PDGFD: variants seen among roughly 807,000 people sequenced by gnomAD.
PDGFD encodes platelet-derived growth factor D.
A neutral mutation model predicts 44.7 loss-of-function variants in PDGFD; 30 were observed. The ratio of observed to expected loss-of-function variants is 0.67; its 90% CI spans 0.50 to 0.91. PDGFD has a LOEUF of 0.91. PDGFD is among the 40% of genes least tolerant of loss of function. PDGFD has a pLI of 0.00. For missense variants in PDGFD, 445 were observed against 457.8 expected, an observed-to-expected ratio of 0.97 and a Z score of 0.25; for synonymous variants, 173 against 168.4, an observed-to-expected ratio of 1.03 and a Z score of -0.21.
chr11:103,988,299 A>C (rs747526672), intron 3 of PDGFD, among the ~76,000 whole-genome samples: 14 of 151,938 alleles, frequency 9.2e-5, no homozygotes, highest in Non-Finnish European at 2.1e-4. Flanking sequence ...CAAGGATAAA[A>C]GTTTACTTGT....
intron 3 of PDGFD, among the ~76,000 whole-genome samples, chr11:103,990,941 C>T (rs1242506391): frequency 2.0e-5 from 3 of 151,932 alleles, no homozygotes; most frequent in Non-Finnish European, 4.4e-5. Context: ...AGGTCGAGAC[C>T]ATCCTGGCTA....
intron 1 of PDGFD, among the ~76,000 whole-genome samples, chr11:104,006,473 A>G (rs1182551601): frequency 6.6e-6 from 1 of 152,212 alleles, no homozygotes; most frequent in African/African-American, 2.4e-5. Flanking sequence ...TACTGGGTAG[A>G]AGAGGGTAGT....
chr11:104,099,352 T>C (rs909103947), intron 1 of PDGFD, among the ~76,000 whole-genome samples: 12 of 152,124 alleles, frequency 7.9e-5, no homozygotes, highest in Admixed American at 5.9e-4. Context: ...AATATGAACA[T>C]TTTCCTGTTG....
intron 1 of PDGFD, among the ~76,000 whole-genome samples, chr11:104,103,304 T>C (rs1014550526): frequency 6.6e-6 from 1 of 151,856 alleles, no homozygotes; most frequent in Non-Finnish European, 1.5e-5. Context: ...ATAACCAAAA[T>C]CTCTTGTATG....
At chr11:103,937,740 T>A (rs1476022962) in intron 5 of PDGFD, among the ~76,000 whole-genome samples, 1 of 132,608 alleles carries the variant, frequency 7.5e-6, no homozygotes, top group Non-Finnish European at 1.5e-5. Context: ...TGTGTGATGT[T>A]CCCCTTCCTG....
At chr11:103,915,475 A>G (rs959669610) in intron 6 of PDGFD, among the ~76,000 whole-genome samples, 1 of 152,240 alleles carries the variant, frequency 6.6e-6, no homozygotes, top group Non-Finnish European at 1.5e-5. Context: ...AAAACATTCC[A>G]TGCTCACAGA....
rs1181174912 is a variant in PDGFD, at chr11:104,105,796, A to ATTTTTGAAAGTTTTGCTGGAAAACTT, written c.124+57982_124+58007dup. On this transcript the variant is annotated intron_variant, in intron 1 of 6. Transcript: ENST00000393158. ...CTGCCATGTAAAATAATTCCTGGAA[A>ATTTTTGAAAGTTTTGCTGGAAAACTT]TTTTTGAAAGTTTTGCTGGAAAACT... Among the ~76,000 whole-genome samples, 7 of 152,224 alleles carry ATTTTTGAAAGTTTTGCTGGAAAACTT rather than the reference A, an allele frequency of 4.6e-5. No homozygotes were observed. In the East Asian group the frequency reaches 7.7e-4, roughly 17 times the overall value.
At chr11:103,923,346 G>A (rs781536776) in intron 6 of PDGFD, among the ~76,000 whole-genome samples, 33 of 152,080 alleles carry the variant, frequency 2.2e-4, no homozygotes, top group Non-Finnish European at 3.4e-4. Flanking sequence ...AAACCCTACA[G>A]GACAACTAAT....
At chr11:103,942,694 T>C (rs1408683994) in intron 5 of PDGFD, among the ~76,000 whole-genome samples, 1 of 152,126 alleles carries the variant, frequency 6.6e-6, no homozygotes, top group Non-Finnish European at 1.5e-5. Context: ...GTTTTGGCTG[T>C]TGCTTTAACA....
chr11:104,117,108 T>A (rs1476226490), intron 1 of PDGFD, among the ~76,000 whole-genome samples: 1 of 151,986 alleles, frequency 6.6e-6, no homozygotes, highest in East Asian at 1.9e-4. Flanking sequence ...ATACACCACA[T>A]AAACAGAATT....
intron 1 of PDGFD, among the ~76,000 whole-genome samples, chr11:104,018,780 C>T (rs1393632838): frequency 6.6e-6 from 1 of 152,188 alleles, no homozygotes; most frequent in Non-Finnish European, 1.5e-5. Flanking sequence ...GCATTTCTAA[C>T]CCTGCCTCTC....
rs924094715 is a variant in PDGFD, at chr11:103,981,006, T to C, written c.510+15059A>G. On this transcript the variant is annotated intron_variant, in intron 3 of 6. Transcript: ENST00000393158. ...CTAAGGAAAATGCTTATTTTGATTC[T>C]AACCCTCTGCTATGTTTCGAATGAC... Among the ~76,000 whole-genome samples, 79 of 151,982 alleles carry C rather than the reference T, an allele frequency of 5.2e-4. 2 individuals carry two copies. The highest frequency in any genetic ancestry group is 2.1e-4 in the Non-Finnish European group (14 of 68,004).
intron 1 of PDGFD, among the ~76,000 whole-genome samples, chr11:104,119,993 AAATT>A (rs2134462467): frequency 7.0e-6 from 1 of 143,152 alleles, no homozygotes; most frequent in Non-Finnish European, 1.5e-5. Flanking sequence ...ATTATTAATT[AAATT>A]AATATATTAA....
At chr11:104,049,989 A>C (rs931419297) in intron 1 of PDGFD, among the ~76,000 whole-genome samples, 4 of 152,114 alleles carry the variant, frequency 2.6e-5, no homozygotes, top group African/African-American at 9.7e-5. Context: ...ATAACAATAG[A>C]GGTAGGGGCC....
Position 104,109,260 on chromosome 11 carries a change from A to G in PDGFD, c.124+54544T>C, listed in dbSNP as rs146338182. On this transcript the variant is annotated intron_variant, in intron 1 of 6. Transcript: ENST00000393158. ...GTACAAAGAACACAAGTGAAAGTTTAGAAAAATCAGGCTTGAGCCCTGTGT... is the reference window on the plus strand; with the variant it reads ...GTACAAAGAACACAAGTGAAAGTTTGGAAAAATCAGGCTTGAGCCCTGTGT... 7.0e-3 allele frequency among the ~76,000 whole-genome samples: 1,069 copies of G among 152,254 alleles called. 7 individuals carry two copies. The highest frequency in any genetic ancestry group is 0.023 in the African/African-American group (957 of 41,560).
chr11:103,963,694 C>G (rs1858974535), intron 3 of PDGFD, among the ~76,000 whole-genome samples: 1 of 152,046 alleles, frequency 6.6e-6, no homozygotes, highest in Non-Finnish European at 1.5e-5. Flanking sequence ...ATCTATATAT[C>G]TAAAGTACTG....
At chr11:103,944,947 AT>A (rs149836079) in intron 4 of PDGFD, among the ~76,000 whole-genome samples, 24 of 148,680 alleles carry the variant, frequency 1.6e-4, no homozygotes, top group African/African-American at 4.4e-4. Flanking sequence ...GGCCAGCTCC[AT>A]TTTTTTTTTC....
At chr11:104,020,273 A>AT (rs920180517) in intron 1 of PDGFD, among the ~76,000 whole-genome samples, 4 of 151,686 alleles carry the variant, frequency 2.6e-5, no homozygotes, top group African/African-American at 4.8e-5. Context: ...TATTTCATTA[A>AT]TTTTTTTTTC....
chr11:104,126,036 C>T (rs75162843), intron 1 of PDGFD, among the ~76,000 whole-genome samples: 1,520 of 150,030 alleles, frequency 0.01, 27 homozygotes, highest in African/African-American at 0.035. Context: ...GTCACAGTAG[C>T]GGGGAAGGAG....
Sources: gnomAD v4.1 joint callset for allele counts (sites outside exome capture counted in the v4.1 genomes callset) on GRCh38, gnomAD v4.1.1 for gene constraint, MANE v1.5 for transcripts, NCBI Gene and HGNC (gene_info 2026-07-23, HGNC 2026-07-21) for gene names.